COG5: variants seen among roughly 807,000 people sequenced by gnomAD.
COG5 encodes the protein conserved oligomeric Golgi complex subunit 5.
COG5 carries 86 observed loss-of-function variants against 110.4 expected under a neutral mutation model. The observed-to-expected ratio is 0.78, with a 90% CI of 0.65 to 0.93. The LOEUF (loss-of-function observed/expected upper bound fraction) is 0.93. Among genes scored for constraint, COG5 ranks in the 40% least tolerant of loss-of-function variants. COG5 has a pLI of 0.00. For synonymous variants in COG5, 360 were observed against 334.6 expected (o/e 1.08, Z -0.83); for missense variants, 1,077 against 987.0 (o/e 1.09, Z -1.22).
In COG5 at chr7:107,366,347, C is replaced by A. The variant is rs531037519; in HGVS notation, c.836-3927G>T. On this transcript the variant is annotated intron_variant, in intron 8 of 21. Coordinates refer to ENST00000297135, the MANE Select transcript of COG5 (RefSeq NM_006348.5). ...TTCCACATCCATGACACCCTCTCTC[C>A]CACAGCATGCCCAGCACCAAGTGCA... 5.3e-4 allele frequency among the ~76,000 whole-genome samples: 81 copies of A among 152,186 alleles called. 2 individuals are homozygous for A. The South Asian group carries it at 0.016, about 30-fold the overall frequency.
At chr7:107,218,467 G>A (rs1799676303) in intron 19 of COG5, among the ~76,000 whole-genome samples, 9 of 152,046 alleles carry the variant, frequency 5.9e-5, no homozygotes, top group Admixed American at 5.9e-4. Flanking sequence ...GAGCTATATA[G>A]TAATTAGAAT....
chr7:107,230,411 T>C (rs921413504), intron 19 of COG5, among the ~76,000 whole-genome samples: 1 of 152,064 alleles, frequency 6.6e-6, no homozygotes, highest in Admixed American at 6.6e-5. Context: ...ACTAAGAAAA[T>C]ACACATACCC....
At chr7:107,419,955 A>C (rs567553369) in intron 6 of COG5, among the ~76,000 whole-genome samples, 1 of 152,356 alleles carries the variant, frequency 6.6e-6, no homozygotes, top group South Asian at 2.1e-4. Flanking sequence ...CTATATTTGA[A>C]AACCTATTAA....
intron 10 of COG5, among the ~76,000 whole-genome samples, chr7:107,353,328 G>C (rs1019662441): frequency 6.6e-6 from 1 of 150,936 alleles, no homozygotes; most frequent in African/African-American, 2.4e-5. Flanking sequence ...GGGAGGCTGA[G>C]GCAGGAGAAT....
chr7:107,502,529 A>T (rs1798703069), intron 6 of COG5, among the ~76,000 whole-genome samples: 1 of 152,284 alleles, frequency 6.6e-6, no homozygotes, highest in East Asian at 1.9e-4. Context: ...TCCTTTGGAT[A>T]GATACCCAGT....
chr7:107,295,066 CATATATATATAT>C (rs1186377118), intron 12 of COG5, among the ~76,000 whole-genome samples: 54 of 45,846 alleles, frequency 1.2e-3, no homozygotes, highest in African/African-American at 3.8e-3. Context: ...CACACACACA[CATATATATATAT>C]ATATATATAT....
chr7:107,296,581 C>CTT (rs35340234), intron 12 of COG5, among the ~76,000 whole-genome samples: 2,732 of 123,432 alleles, frequency 0.022, 52 homozygotes, highest in African/African-American at 0.039. Flanking sequence ...CAAAACTACT[C>CTT]TTTTTTTTTT....
At chr7:107,514,345 C>A (rs1365434596) in intron 6 of COG5, among the ~76,000 whole-genome samples, 1 of 125,314 alleles carries the variant, frequency 8.0e-6, no homozygotes, top group East Asian at 2.9e-4. Flanking sequence ...CACACACACA[C>A]ACACACACAC....
At chr7:107,213,847 A>G (rs1385279113) in intron 19 of COG5, among the ~76,000 whole-genome samples, 1 of 152,242 alleles carries the variant, frequency 6.6e-6, no homozygotes, top group Non-Finnish European at 1.5e-5. Context: ...ATACAAGGAC[A>G]TGAAGATTAT....
intron 6 of COG5, among the ~76,000 whole-genome samples, chr7:107,432,316 A>C (rs1041925527): frequency 6.6e-6 from 1 of 152,236 alleles, no homozygotes; most frequent in African/African-American, 2.4e-5. Flanking sequence ...AAGTAAACAC[A>C]GAGAGGTCAG....
intron 10 of COG5, among the ~76,000 whole-genome samples, chr7:107,347,341 G>A (rs1318254528): frequency 6.6e-6 from 1 of 152,116 alleles, no homozygotes; most frequent in African/African-American, 2.4e-5. Flanking sequence ...ACTGGGGAGG[G>A]GGATGAGAGA....
At chr7:107,269,150 C>A (rs1299081135) in intron 14 of COG5, among the ~76,000 whole-genome samples, 9 of 151,974 alleles carry the variant, frequency 5.9e-5, no homozygotes. Flanking sequence ...TATTTCTATT[C>A]TTTCAGTAGT....
At chr7:107,351,091 A>G (rs541514174) in intron 10 of COG5, among the ~76,000 whole-genome samples, 1 of 152,336 alleles carries the variant, frequency 6.6e-6, no homozygotes, top group East Asian at 1.9e-4. Context: ...GTAAAACAAG[A>G]AATCCTCTAA....
At chr7:107,238,401 T>C (rs140481605) in intron 17 of COG5, among the ~76,000 whole-genome samples, 105 of 152,330 alleles carry the variant, frequency 6.9e-4, no homozygotes, top group African/African-American at 2.5e-3. Flanking sequence ...AATCTAAATG[T>C]TGGTGGACAT....
intron 19 of COG5, among the ~76,000 whole-genome samples, chr7:107,214,404 T>G (rs1031517859): frequency 2.0e-5 from 3 of 152,014 alleles, no homozygotes; most frequent in African/African-American, 7.2e-5. Flanking sequence ...ATAAAAACTT[T>G]CCCAAGCAAC....
chr7:107,339,713 G>T (rs1238121650), intron 10 of COG5, among the ~76,000 whole-genome samples: 1 of 151,902 alleles, frequency 6.6e-6, no homozygotes, highest in African/African-American at 2.4e-5. Flanking sequence ...ATACCAAGAA[G>T]ATCTCCCAAC....
chr7:107,458,156 A>T (rs77055501), intron 6 of COG5, among the ~76,000 whole-genome samples: 11,364 of 152,288 alleles, frequency 0.075, 578 homozygotes, highest in Non-Finnish European at 0.11. Context: ...GAAAGTCAAA[A>T]ATGAAGACAA....
At chr7:107,264,367 T>G (rs1387437223) in intron 14 of COG5, among the ~76,000 whole-genome samples, 2 of 70,092 alleles carry the variant, frequency 2.9e-5, no homozygotes, top group Non-Finnish European at 5.3e-5. Flanking sequence ...TGCCATACCC[T>G]TATGTATGTA....
At chr7:107,461,330 G>C (rs894286939) in intron 6 of COG5, among the ~76,000 whole-genome samples, 4 of 150,726 alleles carry the variant, frequency 2.7e-5, no homozygotes, top group Non-Finnish European at 5.9e-5. Context: ...GATTAAATGA[G>C]AAAAACCATA....
Sources: gnomAD v4.1 joint callset for allele counts (sites outside exome capture counted in the v4.1 genomes callset) on GRCh38, gnomAD v4.1.1 for gene constraint, MANE v1.5 for transcripts, NCBI Gene and HGNC (gene_info 2026-07-23, HGNC 2026-07-21) for gene names.